Variants in FAN1 observed in about 807,000 individuals in gnomAD.
FAN1 encodes the protein FANCD2 and FANCI associated nuclease 1.
In FAN1, 91 loss-of-function variants were observed where a neutral mutation model predicts 104.9. The ratio of observed to expected loss-of-function variants is 0.87; its 90% CI spans 0.73 to 1.03. The LOEUF is 1.03. Ranked by LOEUF, FAN1 falls within the 50% of genes least tolerant of loss-of-function variation. The probability of loss-of-function intolerance (pLI) is 0.00; values close to 1 mark genes in which losing one functional copy is unlikely to be tolerated. For synonymous variants in FAN1, 478 were observed against 457.6 expected (o/e 1.04, Z -0.57); for missense variants, 1,263 against 1,239.9 (o/e 1.02, Z -0.28).
intron 3 of FAN1, among the ~76,000 whole-genome samples, chr15:30,908,746 C>T (rs2062036119): frequency 6.6e-6 from 1 of 152,164 alleles, no homozygotes; most frequent in Admixed American, 6.5e-5. Flanking sequence ...GAGGCTGAGG[C>T]AGGAGAATCA....
At position 30,942,320 on chromosome 15, in the gene FAN1, C is replaced by T. The variant is rs2063082257; in HGVS notation, c.*758C>T. On this transcript the variant is annotated 3_prime_UTR_variant, in exon 15 of 15. Transcript: ENST00000362065. ...GGGCGGGATGAGAGTACCTCCTATC[C>T]ACTAATTTGCTTAAGGATAAGTTCT... 1.8e-6 allele frequency: 1 copy of T among 550,684 alleles called. No homozygotes were observed. The highest frequency in any genetic ancestry group is 3.1e-5 in the East Asian group (1 of 32,320). The allele number at this position is 550,684 out of a possible 1,614,324, so 34.1% of individuals were successfully genotyped here. A position where few individuals can be genotyped will look rare whatever the true frequency, so the allele number is the denominator to read the frequency against.
chr15:30,938,696 C>T (rs1333320644), intron 14 of FAN1, among the ~76,000 whole-genome samples: 4 of 152,062 alleles, frequency 2.6e-5, no homozygotes, highest in Non-Finnish European at 5.9e-5. Context: ...GAATATTACT[C>T]CCCAGTTTTT....
At chr15:30,939,210 T>C in intron 14 of FAN1, 1 of 985,434 alleles carries the variant, frequency 1.0e-6, no homozygotes, top group Non-Finnish European at 1.2e-6. Flanking sequence ...GTTAGCTATT[T>C]TTGGTTTCAA....
At chr15:30,927,049 C>T in intron 10 of FAN1, 1 of 982,136 alleles carries the variant, frequency 1.0e-6, no homozygotes, top group Non-Finnish European at 1.2e-6. Flanking sequence ...CGGTAGCTTA[C>T]ACTTGTAATC....
intron 5 of FAN1, among the ~76,000 whole-genome samples, chr15:30,916,898 G>A (rs1170757268): frequency 6.6e-6 from 1 of 152,146 alleles, no homozygotes; most frequent in Non-Finnish European, 1.5e-5. Flanking sequence ...CTGGAGAGGT[G>A]ACATTTGAAG....
In FAN1 at chr15:30,922,172, A is replaced by G. The variant is rs2062349116; in HGVS notation, c.2053-63A>G. 8 of 1,576,188 alleles carry G rather than the reference A, an allele frequency of 5.1e-6. No individual in the cohort carries two copies. The South Asian group carries it at 5.9e-5, about 12-fold the overall frequency. Reference sequence around the variant, plus strand: ...GGCTTTACCAATCCTATGGGCTTGTAAATATCATTGCAGCTGGATTTTTTG... The same window carrying G: ...GGCTTTACCAATCCTATGGGCTTGTGAATATCATTGCAGCTGGATTTTTTG... On this transcript the variant is annotated intron_variant, in intron 7 of 14. Transcript: ENST00000362065.
intron 10 of FAN1, chr15:30,927,405 C>T (rs1410110087): frequency 2.0e-5 from 20 of 985,572 alleles, no homozygotes; most frequent in South Asian, 1.4e-4. Flanking sequence ...CTGAGTGAAC[C>T]GCTGTCCTTT....
chr15:30,914,196 C>A (rs367689995), intron 5 of FAN1, 105 bp downstream of exon 5: 2 of 776,774 alleles, frequency 2.6e-6, no homozygotes, highest in Non-Finnish European at 4.1e-6. Context: ...AAGTCCACAG[C>A]CAAAACAGTT....
chr15:30,940,193 T>A (rs751844089), intron 14 of FAN1: 15 of 984,824 alleles, frequency 1.5e-5, no homozygotes, highest in Non-Finnish European at 1.8e-5. Flanking sequence ...GTGGGGGAGG[T>A]GGTGCCCCGT....
chr15:30,912,278 C>A (rs1053353052), intron 4 of FAN1, among the ~76,000 whole-genome samples: 18 of 152,298 alleles, frequency 1.2e-4, no homozygotes, highest in Non-Finnish European at 1.2e-4. Flanking sequence ...ATTTCAGAGT[C>A]CCTGCCAGCC....
intron 3 of FAN1, among the ~76,000 whole-genome samples, chr15:30,910,044 T>C (rs577375965): frequency 9.8e-4 from 150 of 152,344 alleles, no homozygotes; most frequent in Middle Eastern, 3.4e-3. Context: ...AGGCCGACAG[T>C]GTACACCCAA....
Position 30,904,636 on chromosome 15 carries a change from C to G in FAN1, c.-28C>G. The G allele has an allele frequency of 6.2e-7, 1 of 1,606,124 alleles. No homozygotes were observed. Among genetic ancestry groups the G allele is most frequent in the Non-Finnish European group, 8.5e-7 (1 of 1,176,066 alleles). ...ACCTTAAATATCCTGTGTTTTATTG[C>G]TCAGAACATCCAGTTTTTCTAATAC... is the stretch of plus-strand genomic sequence containing the variant. On this transcript the variant is annotated 5_prime_UTR_variant, in exon 2 of 15. Coordinates refer to ENST00000362065, the MANE Select transcript of FAN1 (RefSeq NM_014967.5).
At chr15:30,941,007 C>A in intron 14 of FAN1, 2 of 1,166,798 alleles carry the variant, frequency 1.7e-6, no homozygotes, top group South Asian at 1.7e-5. Context: ...CAGGTGAGTT[C>A]AATTAGAGAC....
At position 30,925,215 on chromosome 15, in the gene FAN1, G is replaced by C. The variant is rs770151720; in HGVS notation, c.2261G>C (p.Arg754Pro). 2.0e-5 allele frequency: 33 copies of C among 1,614,052 alleles called. No homozygotes were observed. Among genetic ancestry groups the C allele is most frequent in the Non-Finnish European group, 2.6e-5 (31 of 1,180,022 alleles). Reference protein sequence around the residue: ...LSLYQRAVRLRESPSCKKFKH... With the variant: ...LSLYQRAVRLPESPSCKKFKH... ...CTGTATCAGCGAGCCGTGCGCCTGC[G>C]AGAGTCTCCGAGCTGTAAAAAGTTC... is the stretch of plus-strand genomic sequence containing the variant. The change falls in exon 9 of 15, where the codon CGA becomes CCA. Residue 754 changes from arginine to proline, a missense_variant. Around this residue, in one of 2 missense-constraint regions of FAN1, gnomAD observed 581 missense variants for 668.8 expected, o/e 0.87. Coordinates refer to ENST00000362065, the MANE Select transcript of FAN1 (RefSeq NM_014967.5).
Position 30,905,539 on chromosome 15 carries a change from G to A in FAN1, c.876G>A (p.Val292=). ...TAAAGCAAGAGTGTATCAAAGAAGT[G>A]GTTGAAAAACGTGAGGCATGTCATT... The part of the protein sequence containing the change: ...SLVKQECIKE[V]VEKREACHCE... The change falls in exon 2 of 15, where the codon GTG becomes GTA. Residue 292 remains valine (V), a synonymous_variant. Coordinates refer to ENST00000362065, the MANE Select transcript of FAN1 (RefSeq NM_014967.5). 6.2e-7 allele frequency: 1 copy of A among 1,613,884 alleles called. No homozygotes were observed.
chr15:30,925,079 G>A (rs751224544), intron 8 of FAN1, 48 bp from the exon 9 acceptor site: 12 of 1,555,596 alleles, frequency 7.7e-6, no homozygotes, highest in East Asian at 2.3e-5. Context: ...CATGGAAGCC[G>A]CCATGGGTTT....
intron 8 of FAN1, among the ~76,000 whole-genome samples, chr15:30,922,952 C>G (rs889267516): frequency 6.6e-6 from 1 of 152,234 alleles, no homozygotes; most frequent in East Asian, 1.9e-4. Flanking sequence ...GCGGGTGAGG[C>G]CGCAGAGCCT....
At chr15:30,923,470 GCCT>G (rs1402494200) in intron 8 of FAN1, among the ~76,000 whole-genome samples, 13 of 152,224 alleles carry the variant, frequency 8.5e-5, no homozygotes, top group African/African-American at 3.1e-4. Flanking sequence ...TTTGAGCTAA[GCCT>G]AGTTCCTCCT....
intron 5 of FAN1, among the ~76,000 whole-genome samples, chr15:30,914,836 T>G (rs1355583171): frequency 6.6e-6 from 1 of 152,222 alleles, no homozygotes; most frequent in African/African-American, 2.4e-5. Context: ...GATGATAAAT[T>G]AGAAATTTTC....
Sources: allele counts gnomAD v4.1 joint callset (sites outside exome capture counted in the v4.1 genomes callset), GRCh38; gene constraint gnomAD v4.1.1; regional missense constraint gnomAD v4.1.1; transcripts MANE v1.5; gene names NCBI Gene and HGNC (gene_info 2026-07-23, HGNC 2026-07-21).